The following ATXN1 variants were observed in gnomAD, a reference collection of about 807,000 sequenced individuals.
The protein encoded by ATXN1 is ataxin-1.
ATXN1 carries 8 observed loss-of-function variants against 56.4 expected under a neutral mutation model. The observed-to-expected ratio is 0.14, with a 90% confidence interval of 0.08 to 0.26. The LOEUF (loss-of-function observed/expected upper bound fraction) is 0.26. ATXN1 is among the 10% of genes least tolerant of loss of function. The probability of loss-of-function intolerance (pLI) is 1.00; values close to 1 mark genes in which losing one functional copy is unlikely to be tolerated. For synonymous variants in ATXN1, 514 were observed against 494.6 expected, an observed-to-expected ratio of 1.04 and a Z score of -0.52; for missense variants, 987 against 1,106.5, an observed-to-expected ratio of 0.89 and a Z score of 1.53.
chr6:16,596,232 A>T (rs1762812416), intron 3 of ATXN1, among the ~76,000 whole-genome samples: 1 of 152,124 alleles, frequency 6.6e-6, no homozygotes, highest in South Asian at 2.1e-4. Flanking sequence ...CCTGGCCTCA[A>T]GCAATCCTCT....
At position 16,640,469 on chromosome 6, in the gene ATXN1, T is replaced by G. The variant is rs189509834; in HGVS notation, c.-489+17307A>C. 3.6e-4 allele frequency among the ~76,000 whole-genome samples: 55 copies of G among 152,038 alleles called. No individual in the cohort carries two copies. The East Asian group carries it at 7.0e-3, about 19-fold the overall frequency. On this transcript the variant is annotated intron_variant, in intron 3 of 7. Transcript: ENST00000436367. Reference sequence around the variant, plus strand: ...GAGGCCAAGGTGGGCAGATCACGAGTTCAGGAGATCAAGACCATCCTGGCT... The same window carrying G: ...GAGGCCAAGGTGGGCAGATCACGAGGTCAGGAGATCAAGACCATCCTGGCT...
rs144815348 is a variant in ATXN1, at chr6:16,523,365, C to T, written c.-360-677G>A. On this transcript the variant is annotated intron_variant, in intron 4 of 7. Transcript: ENST00000436367. ...CTGAGCTCAGACCCTGGGATCCTCC[C>T]TCCAAAGTCCCTCTCATGGGGGAAT... 3.1e-4 allele frequency among the ~76,000 whole-genome samples: 47 copies of T among 152,340 alleles called. No homozygotes were observed. In the East Asian group the frequency reaches 9.1e-3, roughly 29 times the overall value.
intron 2 of ATXN1, among the ~76,000 whole-genome samples, chr6:16,681,610 G>A (rs917996443): frequency 4.6e-5 from 7 of 152,190 alleles, no homozygotes; most frequent in Admixed American, 6.5e-5. Context: ...GCACACCTCC[G>A]TCTTTTTTAT....
At chr6:16,688,639 C>G (rs1470043195) in intron 2 of ATXN1, among the ~76,000 whole-genome samples, 1 of 152,132 alleles carries the variant, frequency 6.6e-6, no homozygotes, top group African/African-American at 2.4e-5. Flanking sequence ...TATTGCAAAC[C>G]CAAAACAGGG....
chr6:16,670,740 G>A (rs2113381221), intron 2 of ATXN1, among the ~76,000 whole-genome samples: 2 of 152,156 alleles, frequency 1.3e-5, no homozygotes, highest in South Asian at 4.1e-4. Flanking sequence ...CTAGAAGTCA[G>A]GCTAAAGAAA....
intron 6 of ATXN1, among the ~76,000 whole-genome samples, chr6:16,390,258 T>A (rs1758324887): frequency 6.6e-6 from 1 of 152,178 alleles, no homozygotes; most frequent in Non-Finnish European, 1.5e-5. Flanking sequence ...TTCTCACCTC[T>A]GAATGCTGAT....
chr6:16,654,970 A>G (rs2281152), intron 3 of ATXN1, among the ~76,000 whole-genome samples: 91,255 of 152,058 alleles, frequency 0.6, 28,115 homozygotes, highest in African/African-American at 0.75. Flanking sequence ...CATCACTTGA[A>G]GGCAGAAAGC....
At chr6:16,405,731 G>A (rs1242543479) in intron 6 of ATXN1, among the ~76,000 whole-genome samples, 2 of 152,164 alleles carry the variant, frequency 1.3e-5, no homozygotes, top group African/African-American at 2.4e-5. Flanking sequence ...ATCATAGACT[G>A]CTTGCAGCTC....
chr6:16,557,942 T>G (rs754575644), intron 4 of ATXN1, among the ~76,000 whole-genome samples: 1 of 152,184 alleles, frequency 6.6e-6, no homozygotes, highest in Non-Finnish European at 1.5e-5. Context: ...TATGGTTCCA[T>G]TTATATGAGA....
intron 2 of ATXN1, among the ~76,000 whole-genome samples, chr6:16,668,954 C>T (rs1212921692): frequency 6.6e-6 from 1 of 151,898 alleles, no homozygotes; most frequent in Non-Finnish European, 1.5e-5. Flanking sequence ...TGCAGGAAGC[C>T]CAGAATCCAC....
chr6:16,582,979 T>C (rs1762555521), intron 4 of ATXN1, among the ~76,000 whole-genome samples: 1 of 152,212 alleles, frequency 6.6e-6, no homozygotes, highest in African/African-American at 2.4e-5. Flanking sequence ...TTATGAACTC[T>C]TTTCCTGACC....
chr6:16,747,799 G>GCTAGTGAATTCATTCTCC (rs769226966), intron 2 of ATXN1, among the ~76,000 whole-genome samples: 3,048 of 152,280 alleles, frequency 0.02, 65 homozygotes, highest in Non-Finnish European at 0.027. Flanking sequence ...TTCATTCACT[G>GCTAGTGAATTCATTCTCC]TTCTAGTGAA....
chr6:16,451,343 ATTAG>A (rs1295471909), intron 6 of ATXN1, among the ~76,000 whole-genome samples: 1 of 152,186 alleles, frequency 6.6e-6, no homozygotes. Flanking sequence ...AAATACAAAA[ATTAG>A]TTAGCTACTC....
intron 6 of ATXN1, among the ~76,000 whole-genome samples, chr6:16,403,608 C>A (rs1758626236): frequency 6.6e-6 from 1 of 152,210 alleles, no homozygotes; most frequent in Non-Finnish European, 1.5e-5. Flanking sequence ...ACCTTGGCCT[C>A]CAAAAGTGCT....
chr6:16,650,175 A>G (rs1763869498), intron 3 of ATXN1, among the ~76,000 whole-genome samples: 3 of 152,342 alleles, frequency 2.0e-5, no homozygotes, highest in South Asian at 2.1e-4. Flanking sequence ...AGAAGAAACA[A>G]CAGGGACAGG....
intron 6 of ATXN1, among the ~76,000 whole-genome samples, chr6:16,349,871 T>C (rs959022281): frequency 6.6e-6 from 1 of 152,376 alleles, no homozygotes; most frequent in African/African-American, 2.4e-5. Context: ...TTGCTGTTTA[T>C]TCCTTTGGTA....
intron 2 of ATXN1, among the ~76,000 whole-genome samples, chr6:16,699,611 G>C (rs935886702): frequency 5.3e-5 from 8 of 152,212 alleles, no homozygotes; most frequent in African/African-American, 1.9e-4. Context: ...GAAGGACAAT[G>C]TGACTTCCAG....
intron 6 of ATXN1, among the ~76,000 whole-genome samples, chr6:16,348,915 C>T (rs1229355445): frequency 3.3e-5 from 5 of 152,122 alleles, no homozygotes; most frequent in Non-Finnish European, 7.3e-5. Context: ...ATCCTGGTGG[C>T]CTTACTCCTC....
intron 6 of ATXN1, among the ~76,000 whole-genome samples, chr6:16,479,104 G>A (rs1244527606): frequency 3.3e-5 from 5 of 152,078 alleles, no homozygotes; most frequent in Admixed American, 6.6e-5. Flanking sequence ...TCTGAGTTTT[G>A]GAAATAAAAG....
Sources: gnomAD v4.1 joint callset for allele counts (sites outside exome capture counted in the v4.1 genomes callset) on GRCh38, gnomAD v4.1.1 for gene constraint, MANE v1.5 for transcripts, NCBI Gene and HGNC (gene_info 2026-07-23, HGNC 2026-07-21) for gene names.